The following KIF6 variants were observed in gnomAD, a reference collection of about 807,000 sequenced individuals.
KIF6 encodes the protein kinesin-like protein KIF6.
In KIF6, 106 loss-of-function variants were observed where a neutral mutation model predicts 112.7. The ratio of observed to expected loss-of-function variants is 0.94; its 90% CI spans 0.80 to 1.11. KIF6 has a LOEUF of 1.11. Ranked by LOEUF, KIF6 falls within the 50% of genes least tolerant of loss-of-function variation. The pLI is 0.00. For synonymous variants in KIF6, 339 were observed against 339.9 expected (o/e 1.00, Z 0.03); for missense variants, 929 against 964.0 (o/e 0.96, Z 0.48).
chr6:39,448,464 C>A (rs1157395700), intron 13 of KIF6, among the ~76,000 whole-genome samples: 1 of 152,118 alleles, frequency 6.6e-6, no homozygotes, highest in Non-Finnish European at 1.5e-5. Context: ...TGTGAGCCAT[C>A]GTGCCCGGCC....
At chr6:39,501,307 C>A (rs1167644598) in intron 13 of KIF6, among the ~76,000 whole-genome samples, 1 of 152,066 alleles carries the variant, frequency 6.6e-6, no homozygotes. Flanking sequence ...CAACAAATCA[C>A]AAAAACCCTA....
At chr6:39,648,263 A>T (rs1038981703) in intron 3 of KIF6, among the ~76,000 whole-genome samples, 2 of 149,460 alleles carry the variant, frequency 1.3e-5, no homozygotes, top group Admixed American at 1.3e-4. Flanking sequence ...GCTGGTCTCG[A>T]ACTCCTGACC....
Position 39,343,071 on chromosome 6 carries a change from T to A in KIF6, c.2428+638A>T. 4 of 984,886 alleles carry A rather than the reference T, an allele frequency of 4.1e-6. No homozygotes were observed. The highest frequency in any genetic ancestry group is 4.8e-6 in the Non-Finnish European group (4 of 829,828). 61.0% of individuals were successfully genotyped at this position (984,886 alleles called of 1,614,324 possible). On this transcript the variant is annotated intron_variant, in intron 22 of 22. Transcript: ENST00000287152. This position sits in a 1 kb window ranked among gnomAD's most constrained non-coding sequence, Gnocchi z 4.1. ...CCTGGGGCTTGCCCTGTGGGTGTGT[T>A]GGGGATGGAAGGCAGAAAGAGAAAA...
intron 13 of KIF6, among the ~76,000 whole-genome samples, chr6:39,538,025 T>G (rs908766361): frequency 2.0e-5 from 3 of 152,236 alleles, no homozygotes; most frequent in African/African-American, 7.2e-5. Context: ...TGTAGAAAGT[T>G]GAAACTGAAT....
intron 3 of KIF6, among the ~76,000 whole-genome samples, chr6:39,646,007 T>A (rs529432069): frequency 1.3e-3 from 203 of 151,930 alleles, no homozygotes; most frequent in Middle Eastern, 3.4e-3. Context: ...CATTAGGAGA[T>A]ATACCTAATG....
At chr6:39,520,196 G>A (rs1582037218) in intron 13 of KIF6, among the ~76,000 whole-genome samples, 1 of 152,178 alleles carries the variant, frequency 6.6e-6, no homozygotes, top group South Asian at 2.1e-4. Context: ...CAGGAGAAGG[G>A]TTAAAGGTAA....
intron 13 of KIF6, among the ~76,000 whole-genome samples, chr6:39,482,395 G>A (rs146626075): frequency 9.5e-4 from 144 of 152,258 alleles, no homozygotes; most frequent in Non-Finnish European, 1.5e-3. Context: ...AGAGAAAAGA[G>A]GGCAATATCT....
chr6:39,700,777 G>C (rs539445745), intron 3 of KIF6, among the ~76,000 whole-genome samples: 1 of 151,130 alleles, frequency 6.6e-6, no homozygotes, highest in Admixed American at 6.6e-5. Flanking sequence ...GCAGTGGCAC[G>C]ATCTCGGCTC....
At chr6:39,606,106 T>G in intron 6 of KIF6, among the ~76,000 whole-genome samples, 1 of 152,008 alleles carries the variant, frequency 6.6e-6, no homozygotes, top group East Asian at 1.9e-4. Flanking sequence ...TTCAGTCACG[T>G]TTCTTCCTCT....
intron 15 of KIF6, among the ~76,000 whole-genome samples, chr6:39,409,627 C>T (rs1417002933): frequency 6.6e-6 from 1 of 152,208 alleles, no homozygotes; most frequent in Non-Finnish European, 1.5e-5. Flanking sequence ...TCAATAAGTT[C>T]TGGTGCAGAC....
chr6:39,544,028 C>A (rs1213268684), intron 12 of KIF6, among the ~76,000 whole-genome samples: 2 of 152,230 alleles, frequency 1.3e-5, no homozygotes, highest in Non-Finnish European at 2.9e-5. Flanking sequence ...GTAGATCTGG[C>A]TTTTAAATAA....
At chr6:39,573,507 A>G (rs1208725004) in intron 10 of KIF6, among the ~76,000 whole-genome samples, 13 of 152,240 alleles carry the variant, frequency 8.5e-5, no homozygotes, top group Admixed American at 8.5e-4. Context: ...CTGCACTGTC[A>G]GTTGTGAACG....
At chr6:39,532,634 G>C (rs1243279766) in intron 13 of KIF6, among the ~76,000 whole-genome samples, 1 of 152,114 alleles carries the variant, frequency 6.6e-6, no homozygotes, top group Non-Finnish European at 1.5e-5. Flanking sequence ...ATGGAATTAA[G>C]AGATAAAGAA....
rs776418876 is a variant in KIF6, at chr6:39,578,052, T to A, written c.1181+4A>T. ...GAAAAAGAAAAAAAAGTCTGCAGAC[T>A]TACTGAAGGAGCTCTGCTTCTGTGA... On this transcript the variant is annotated splice_donor_region_variant and intron_variant, in intron 10 of 22. Coordinates refer to ENST00000287152, the MANE Select transcript of KIF6 (RefSeq NM_145027.6). 1 of 1,599,792 alleles carries A rather than the reference T, an allele frequency of 6.3e-7. No individual in the cohort carries two copies. Among genetic ancestry groups the A allele is most frequent in the Non-Finnish European group, 8.6e-7 (1 of 1,168,350 alleles).
intron 14 of KIF6, among the ~76,000 whole-genome samples, chr6:39,427,249 G>A (rs1234529572): frequency 1.3e-5 from 2 of 152,288 alleles, no homozygotes; most frequent in East Asian, 3.9e-4. Context: ...AGAGGGAATG[G>A]AAGCAAATGT....
rs1762891719 is a variant in KIF6, at chr6:39,335,811, C to CCACACTG, written c.*714_*720dup. 1 of 152,362 alleles carries CCACACTG rather than the reference C, an allele frequency of 6.6e-6. No homozygotes were observed. Among genetic ancestry groups the CCACACTG allele is most frequent in the African/African-American group, 2.4e-5 (1 of 41,446 alleles). 9.4% of individuals were successfully genotyped at this position (152,362 alleles called of 1,614,324 possible). ...GTGAAGGTTGTGAGGCCCAAGGTACCCACACTGCCCTCTCTCAAGCTCTCA... is the reference window on the plus strand; with the variant it reads ...GTGAAGGTTGTGAGGCCCAAGGTACCCACACTGCACACTGCCCTCTCTCAAGCTCTCA... On this transcript the variant is annotated 3_prime_UTR_variant, in exon 23 of 23. Transcript: ENST00000287152.
chr6:39,380,522 C>G (rs1366962019), intron 16 of KIF6, among the ~76,000 whole-genome samples: 1 of 152,176 alleles, frequency 6.6e-6, no homozygotes, highest in African/African-American at 2.4e-5. Flanking sequence ...TATAAAAGCA[C>G]ATGCACAGTC....
At chr6:39,379,256 T>C (rs1433758942) in intron 16 of KIF6, among the ~76,000 whole-genome samples, 2 of 152,192 alleles carry the variant, frequency 1.3e-5, no homozygotes, top group Non-Finnish European at 2.9e-5. Context: ...TGTAATTTGC[T>C]CAGCTGTGGA....
At chr6:39,643,168 A>C (rs776198280) in intron 3 of KIF6, among the ~76,000 whole-genome samples, 1 of 152,180 alleles carries the variant, frequency 6.6e-6, no homozygotes, top group African/African-American at 2.4e-5. Flanking sequence ...GGAATTTACT[A>C]TAAAATTATG....
Sources: allele counts gnomAD v4.1 joint callset (sites outside exome capture counted in the v4.1 genomes callset), GRCh38; gene constraint gnomAD v4.1.1; non-coding constraint Gnocchi (gnomAD v3.1); transcripts MANE v1.5; gene names NCBI Gene and HGNC (gene_info 2026-07-23, HGNC 2026-07-21).